Variants in MARCHF1 observed in about 807,000 individuals in gnomAD.
The protein encoded by MARCHF1 is E3 ubiquitin-protein ligase MARCHF1.
MARCHF1 carries 40 observed loss-of-function variants against 54.2 expected under a neutral mutation model. The observed-to-expected ratio is 0.74, with a 90% confidence interval of 0.57 to 0.96. The LOEUF is 0.96. MARCHF1 is among the 40% of genes least tolerant of loss of function. The probability of loss-of-function intolerance (pLI) is 0.00; values close to 1 mark genes in which losing one functional copy is unlikely to be tolerated. For missense variants in MARCHF1, 586 were observed against 656.5 expected, an observed-to-expected ratio of 0.89 and a Z score of 1.17; for synonymous variants, 236 against 236.3, an observed-to-expected ratio of 1.00 and a Z score of 0.01.
At chr4:164,158,139 A>G (rs889714623) in intron 1 of MARCHF1, among the ~76,000 whole-genome samples, 2 of 152,192 alleles carry the variant, frequency 1.3e-5, no homozygotes, top group Non-Finnish European at 2.9e-5. Context: ...TTTTAAAAAA[A>G]CTTCTGTTTA....
At chr4:163,626,093 T>C (rs771595710) in intron 5 of MARCHF1, among the ~76,000 whole-genome samples, 27 of 152,226 alleles carry the variant, frequency 1.8e-4, no homozygotes, top group Non-Finnish European at 3.5e-4. Flanking sequence ...TGGATGTTTA[T>C]TTCAGATGAT....
chr4:163,954,297 C>A (rs953707374), intron 3 of MARCHF1, among the ~76,000 whole-genome samples: 1 of 151,914 alleles, frequency 6.6e-6, no homozygotes, highest in African/African-American at 2.4e-5. Context: ...AGCATAAATC[C>A]AAATATTTAT....
chr4:164,328,535 T>A (rs565325540), intron 1 of MARCHF1, among the ~76,000 whole-genome samples: 1 of 152,024 alleles, frequency 6.6e-6, no homozygotes, highest in South Asian at 2.1e-4. Flanking sequence ...ATATGAAATT[T>A]TTTTTTTTTT....
At chr4:163,841,291 C>T (rs1305610463) in intron 4 of MARCHF1, among the ~76,000 whole-genome samples, 2 of 151,816 alleles carry the variant, frequency 1.3e-5, no homozygotes, top group Non-Finnish European at 2.9e-5. Flanking sequence ...TTATGACATG[C>T]GAATGTAGGT....
intron 1 of MARCHF1, among the ~76,000 whole-genome samples, chr4:164,117,132 C>T (rs1028410713): frequency 5.3e-5 from 8 of 151,924 alleles, no homozygotes; most frequent in African/African-American, 1.9e-4. Context: ...GTTGTGCATG[C>T]CTGTAATCCC....
intron 7 of MARCHF1, among the ~76,000 whole-genome samples, chr4:163,611,236 T>A (rs907434): frequency 0.92 from 139,766 of 152,162 alleles, 64,302 homozygotes; most frequent in African/African-American, 0.97. Flanking sequence ...TGAATACATA[T>A]ATGAATGAGG....
At chr4:163,879,829 G>A (rs1226803228) in intron 3 of MARCHF1, among the ~76,000 whole-genome samples, 1 of 151,742 alleles carries the variant, frequency 6.6e-6, no homozygotes, top group Non-Finnish European at 1.5e-5. Context: ...GTGTGTGTGT[G>A]TGTGTAGCTT....
At chr4:163,608,653 GTAT>G (rs1315713422) in intron 7 of MARCHF1, among the ~76,000 whole-genome samples, 10 of 152,006 alleles carry the variant, frequency 6.6e-5, no homozygotes, top group African/African-American at 2.2e-4. Context: ...TCCCTCTAAG[GTAT>G]AATAGGCTGG....
At chr4:163,705,342 T>C (rs1015272711) in intron 4 of MARCHF1, among the ~76,000 whole-genome samples, 4 of 150,482 alleles carry the variant, frequency 2.7e-5, no homozygotes, top group African/African-American at 4.9e-5. Context: ...AAAAAACCAG[T>C]AGGAAAAAAA....
chr4:163,739,793 AC>A (rs922528553), intron 4 of MARCHF1, among the ~76,000 whole-genome samples: 7 of 152,350 alleles, frequency 4.6e-5, no homozygotes, highest in African/African-American at 1.7e-4. Flanking sequence ...AGATCAAGGT[AC>A]ATTTTATTTA....
intron 4 of MARCHF1, among the ~76,000 whole-genome samples, chr4:163,721,202 C>G (rs1367658396): frequency 1.3e-5 from 2 of 152,178 alleles, no homozygotes; most frequent in Non-Finnish European, 2.9e-5. Flanking sequence ...AGATATGTCC[C>G]ATCAATACCT....
chr4:164,122,691 T>G (rs978118938), intron 1 of MARCHF1, among the ~76,000 whole-genome samples: 1 of 152,016 alleles, frequency 6.6e-6, no homozygotes, highest in African/African-American at 2.4e-5. Context: ...TTCTCTTCAC[T>G]TCTGCCTGTT....
intron 2 of MARCHF1, among the ~76,000 whole-genome samples, chr4:164,038,936 A>T (rs1197639927): frequency 1.3e-5 from 2 of 152,192 alleles, no homozygotes. Context: ...ATGAATAATC[A>T]AATATAAAAT....
At chr4:163,657,402 A>G (rs575819836) in intron 5 of MARCHF1, among the ~76,000 whole-genome samples, 1 of 152,246 alleles carries the variant, frequency 6.6e-6, no homozygotes, top group East Asian at 1.9e-4. Flanking sequence ...GCTCAAGGAA[A>G]TAAGAGAGGA....
intron 1 of MARCHF1, among the ~76,000 whole-genome samples, chr4:164,326,790 G>A (rs1288777526): frequency 6.6e-6 from 1 of 152,164 alleles, no homozygotes; most frequent in East Asian, 1.9e-4. Context: ...GGAGCTAAAA[G>A]TATAGATTCT....
chr4:163,652,978 G>A (rs1579160636), intron 5 of MARCHF1, among the ~76,000 whole-genome samples: 1 of 151,798 alleles, frequency 6.6e-6, no homozygotes, highest in Non-Finnish European at 1.5e-5. Flanking sequence ...TTATCAAAGG[G>A]GGGAAGGTTG....
intron 1 of MARCHF1, among the ~76,000 whole-genome samples, chr4:164,202,757 T>TC (rs1731489038): frequency 6.6e-6 from 1 of 152,194 alleles, no homozygotes; most frequent in African/African-American, 2.4e-5. Flanking sequence ...CTCGAATATT[T>TC]CCTACTATTT....
chr4:164,177,487 T>C (rs550379651), intron 1 of MARCHF1, among the ~76,000 whole-genome samples: 1 of 150,774 alleles, frequency 6.6e-6, no homozygotes, highest in East Asian at 2.0e-4. Flanking sequence ...GAAGTCAATG[T>C]CATCTACTCT....
At chr4:164,335,913 T>A (rs1366476742) in intron 1 of MARCHF1, among the ~76,000 whole-genome samples, 4 of 152,250 alleles carry the variant, frequency 2.6e-5, no homozygotes, top group African/African-American at 9.6e-5. Flanking sequence ...TATGTATTCT[T>A]CCAGTAATCA....
Sources: allele counts gnomAD v4.1 joint callset (sites outside exome capture counted in the v4.1 genomes callset), GRCh38; gene constraint gnomAD v4.1.1; transcripts MANE v1.5; gene names NCBI Gene and HGNC (gene_info 2026-07-23, HGNC 2026-07-21).